Variants in TMEM117 observed in about 807,000 individuals in gnomAD.
The protein encoded by TMEM117 is transmembrane protein 117.
In TMEM117, 27 loss-of-function variants were observed where a neutral mutation model predicts 52.4. The observed-to-expected ratio is 0.51, with a 90% CI of 0.38 to 0.71. The LOEUF is 0.71. Among genes scored for constraint, TMEM117 ranks in the 30% least tolerant of loss-of-function variants. The probability of loss-of-function intolerance (pLI) is 0.00; values close to 1 mark genes in which losing one functional copy is unlikely to be tolerated. For synonymous variants in TMEM117, 215 were observed against 206.3 expected (o/e 1.04, Z -0.36); for missense variants, 556 against 630.5 (o/e 0.88, Z 1.26).
chr12:44,192,115 T>G (rs977964307), intron 4 of TMEM117, among the ~76,000 whole-genome samples: 5 of 152,144 alleles, frequency 3.3e-5, no homozygotes, highest in African/African-American at 4.8e-5. Context: ...TGATATATAC[T>G]CAATCTTAGA....
At position 44,196,373 on chromosome 12, in the gene TMEM117, A is replaced by G. The variant is rs552261683; in HGVS notation, c.511-14917A>G. Among the ~76,000 whole-genome samples the G allele has an allele frequency of 2.0e-5, 3 of 152,316 alleles. No homozygotes were observed. The South Asian group carries it at 6.2e-4, about 32-fold the overall frequency. ...ACTAACAAATATAAGATTAATCCAG[A>G]TTAAAAGAGTACAAATAAACCATGT... On this transcript the variant is annotated intron_variant, in intron 4 of 7. Transcript: ENST00000266534.
chr12:44,392,611 G>A (rs906181574), downstream of TMEM117, among the ~76,000 whole-genome samples: 9 of 151,810 alleles, frequency 5.9e-5, no homozygotes, highest in Non-Finnish European at 1.3e-4. Context: ...CCATGTTGGT[G>A]TGCTGCACCC....
chr12:44,202,547 G>A (rs1318906192), intron 4 of TMEM117, among the ~76,000 whole-genome samples: 1 of 152,166 alleles, frequency 6.6e-6, no homozygotes, highest in African/African-American at 2.4e-5. Context: ...TTGTTTGCTA[G>A]TATTTTGTTG....
At chr12:44,006,857 TC>T (rs1180089232) in intron 3 of TMEM117, among the ~76,000 whole-genome samples, 2 of 152,204 alleles carry the variant, frequency 1.3e-5, no homozygotes, top group East Asian at 3.8e-4. Flanking sequence ...GATGTATCTC[TC>T]CCAAATATTC....
chr12:44,007,299 T>A (rs1287580819), intron 3 of TMEM117, among the ~76,000 whole-genome samples: 1 of 152,204 alleles, frequency 6.6e-6, no homozygotes, highest in Non-Finnish European at 1.5e-5. Context: ...GCTCCTTTTT[T>A]CTTTATGAAG....
chr12:44,305,078 A>C (rs1177827783), intron 6 of TMEM117, among the ~76,000 whole-genome samples: 1 of 152,090 alleles, frequency 6.6e-6, no homozygotes, highest in Non-Finnish European at 1.5e-5. Flanking sequence ...GCCAGAGGGG[A>C]GCCCATTCCT....
chr12:44,053,114 A>G (rs1255930907), intron 3 of TMEM117, among the ~76,000 whole-genome samples: 2 of 152,106 alleles, frequency 1.3e-5, no homozygotes. Flanking sequence ...GAGTTTGTGC[A>G]GACACCACAG....
At chr12:44,013,649 C>T (rs372687444) in intron 3 of TMEM117, among the ~76,000 whole-genome samples, 26 of 152,136 alleles carry the variant, frequency 1.7e-4, no homozygotes, top group South Asian at 4.2e-4. Context: ...GAGGGTCCTC[C>T]GTGGCTGGGT....
chr12:43,969,437 G>T (rs1945543110), intron 3 of TMEM117, among the ~76,000 whole-genome samples: 1 of 150,896 alleles, frequency 6.6e-6, no homozygotes, highest in Admixed American at 6.6e-5. Context: ...GCAGAGAATT[G>T]CTTGAACCTG....
chr12:44,030,787 G>A (rs576046663), intron 3 of TMEM117, among the ~76,000 whole-genome samples: 33 of 152,258 alleles, frequency 2.2e-4, no homozygotes, highest in Admixed American at 6.5e-4. Flanking sequence ...AGTTAAATAG[G>A]ATAAAGCTGA....
intron 3 of TMEM117, among the ~76,000 whole-genome samples, chr12:43,960,767 A>G (rs572659295): frequency 3.2e-4 from 49 of 152,340 alleles, no homozygotes; most frequent in African/African-American, 1.1e-3. Context: ...TAGAGCAAAA[A>G]TAATGCGGAA....
chr12:43,832,377 G>A (rs140117867), upstream of TMEM117, among the ~76,000 whole-genome samples: 189 of 152,346 alleles, frequency 1.2e-3, no homozygotes, highest in African/African-American at 4.4e-3. Flanking sequence ...TAATAGGTCT[G>A]TGTGGTAGTG....
At chr12:43,796,062 C>T in the TMEM117 span, among the ~76,000 whole-genome samples, 13 of 152,184 alleles carry the variant, frequency 8.5e-5, no homozygotes, top group Non-Finnish European at 1.9e-4. Flanking sequence ...GGAACATTTA[C>T]TCATGACCCT....
the TMEM117 span, chr12:43,805,906 A>C: frequency 1.4e-6 from 2 of 1,477,030 alleles, no homozygotes; most frequent in African/African-American, 1.4e-5. Flanking sequence ...AAAAGGGGGA[A>C]AGTTGGGCGA....
rs1488766779 is a variant in TMEM117, at chr12:44,202,491, A to T, written c.511-8799A>T. On this transcript the variant is annotated intron_variant, in intron 4 of 7. Transcript: ENST00000266534. ...AACCAAACTTGCATCCTAGGAATAA[A>T]GCCTACTTGATTGTGGCGGATTAGC... Among the ~76,000 whole-genome samples, 3 of 152,186 alleles carry T rather than the reference A, an allele frequency of 2.0e-5. 1 individual carries two copies. Among genetic ancestry groups the T allele is most frequent in the Non-Finnish European group, 4.4e-5 (3 of 68,032 alleles).
At chr12:43,869,317 ATTTAC>A (rs1385127347) in intron 2 of TMEM117, among the ~76,000 whole-genome samples, 1 of 152,104 alleles carries the variant, frequency 6.6e-6, no homozygotes, top group Non-Finnish European at 1.5e-5. Flanking sequence ...TCACTTATTT[ATTTAC>A]TTTATTTAAT....
At chr12:44,096,334 G>A (rs1947761440) in intron 3 of TMEM117, among the ~76,000 whole-genome samples, 1 of 151,948 alleles carries the variant, frequency 6.6e-6, no homozygotes, top group Non-Finnish European at 1.5e-5. Context: ...AGCTACCAAT[G>A]ACTTTCTTCA....
chr12:44,172,516 TA>T (rs1181216729), intron 4 of TMEM117, among the ~76,000 whole-genome samples: 1 of 152,188 alleles, frequency 6.6e-6, no homozygotes, highest in Non-Finnish European at 1.5e-5. Context: ...ACACCAGTCA[TA>T]TTGGATTAAG....
intron 5 of TMEM117, among the ~76,000 whole-genome samples, chr12:44,279,946 C>T (rs568151882): frequency 1.3e-5 from 2 of 152,184 alleles, no homozygotes; most frequent in African/African-American, 2.4e-5. Context: ...GAAATTCTCT[C>T]CTTCCCTAGA....
Sources: gnomAD v4.1 joint callset for allele counts (sites outside exome capture counted in the v4.1 genomes callset) on GRCh38, gnomAD v4.1.1 for gene constraint, MANE v1.5 for transcripts, NCBI Gene and HGNC (gene_info 2026-07-23, HGNC 2026-07-21) for gene names.